SPAG17: variants seen among roughly 807,000 people sequenced by gnomAD.
SPAG17 encodes the protein sperm-associated antigen 17.
Under a neutral mutation model 273.6 loss-of-function variants are expected in SPAG17, and 169 were observed. The ratio of observed to expected loss-of-function variants is 0.62; its 90% confidence interval spans 0.55 to 0.70. SPAG17 has a LOEUF of 0.70. Ranked by LOEUF, SPAG17 falls within the 30% of genes least tolerant of loss-of-function variation. The pLI, the probability that SPAG17 is intolerant of heterozygous loss-of-function variation, is 0.00. For synonymous variants in SPAG17, 825 were observed against 873.2 expected, an observed-to-expected ratio of 0.94 and a Z score of 0.97; for missense variants, 2,557 against 2,627.8, an observed-to-expected ratio of 0.97 and a Z score of 0.59.
chr1:118,125,343 A>T (rs1238941271), intron 3 of SPAG17, among the ~76,000 whole-genome samples: 1 of 152,096 alleles, frequency 6.6e-6, no homozygotes, highest in Non-Finnish European at 1.5e-5. Flanking sequence ...TAATTAGCAT[A>T]TCTATCACCT....
chr1:117,954,622 A>G, intron 48 of SPAG17: 1 of 1,612,210 alleles, frequency 6.2e-7, no homozygotes, highest in African/African-American at 1.3e-5. Flanking sequence ...TTATGGCAGT[A>G]TCTCAGTGAG....
intron 27 of SPAG17, among the ~76,000 whole-genome samples, chr1:118,024,845 A>G (rs1034995079): frequency 1.4e-4 from 22 of 152,100 alleles, no homozygotes; most frequent in African/African-American, 5.1e-4. Flanking sequence ...ATATTTCTCC[A>G]TCAGTTTGAT....
rs1657051417 is a variant in SPAG17 at position 117,991,357 on chromosome 1, T to C, written c.5475+58A>G. Reference sequence around the variant, plus strand: ...AGCTATTTCTTACGATATTTTGTCCTGAAACATTTAATATTGAAACAATAG... The same window carrying C: ...AGCTATTTCTTACGATATTTTGTCCCGAAACATTTAATATTGAAACAATAG... On this transcript the variant is annotated intron_variant, in intron 37 of 48. Transcript: ENST00000336338. 4 of 1,044,488 alleles carry C rather than the reference T, an allele frequency of 3.8e-6. No homozygotes were observed. The African/African-American group carries it at 6.6e-5, about 17-fold the overall frequency. 64.7% of individuals were successfully genotyped at this position (1,044,488 alleles called of 1,614,324 possible). A position where few individuals can be genotyped will look rare whatever the true frequency, so the allele number is the denominator to read the frequency against.
chr1:118,117,568 G>A (rs1249806187), intron 3 of SPAG17, among the ~76,000 whole-genome samples: 1 of 152,222 alleles, frequency 6.6e-6, no homozygotes, highest in Non-Finnish European at 1.5e-5. Context: ...CTGACATGGG[G>A]AGACAGGAGA....
At chr1:118,061,933 G>A (rs1037890696) in intron 18 of SPAG17, among the ~76,000 whole-genome samples, 8 of 152,108 alleles carry the variant, frequency 5.3e-5, no homozygotes, top group Non-Finnish European at 1.0e-4. Flanking sequence ...ACAAAATTAG[G>A]TGGTTGAAAT....
At chr1:117,963,585 C>G in intron 48 of SPAG17, 3 of 320,404 alleles carry the variant, frequency 9.4e-6, no homozygotes, top group Non-Finnish European at 1.8e-5. Context: ...AGGATGGTCT[C>G]GATCTCCTGA....
intron 35 of SPAG17, among the ~76,000 whole-genome samples, chr1:117,993,642 T>C (rs973130020): frequency 3.3e-5 from 5 of 152,212 alleles, no homozygotes; most frequent in African/African-American, 1.2e-4. Context: ...TTGTGTTTGC[T>C]ATTACAAGGT....
intron 15 of SPAG17, among the ~76,000 whole-genome samples, chr1:118,074,911 T>C (rs576289442): frequency 1.3e-5 from 2 of 152,376 alleles, no homozygotes; most frequent in East Asian, 3.9e-4. Flanking sequence ...TCTTTAAAAG[T>C]TGTAATTATT....
chr1:117,954,618 C>CA, intron 48 of SPAG17: 3 of 1,612,082 alleles, frequency 1.9e-6, no homozygotes, highest in Non-Finnish European at 2.5e-6. Flanking sequence ...TGGCTTATGG[C>CA]AGTATCTCAG....
At chr1:118,089,105 G>A (rs1655200350) in intron 10 of SPAG17, among the ~76,000 whole-genome samples, 1 of 152,126 alleles carries the variant, frequency 6.6e-6, no homozygotes, top group Non-Finnish European at 1.5e-5. Flanking sequence ...AAGAAAAGCT[G>A]TTGATAAGAA....
chr1:118,002,839 T>C (rs1335130657), intron 32 of SPAG17, among the ~76,000 whole-genome samples: 8 of 152,210 alleles, frequency 5.3e-5, no homozygotes, highest in African/African-American at 1.9e-4. Flanking sequence ...AAGGTTAATA[T>C]TGTTATGTGT....
intron 1 of SPAG17, among the ~76,000 whole-genome samples, chr1:118,161,638 C>G (rs1040810854): frequency 3.3e-5 from 5 of 151,966 alleles, no homozygotes; most frequent in African/African-American, 1.2e-4. Context: ...CCCGGGTTTA[C>G]GCCATTCTCC....
At chr1:118,062,362 ATCTC>A (rs1652414556) in intron 18 of SPAG17, among the ~76,000 whole-genome samples, 1 of 116,792 alleles carries the variant, frequency 8.6e-6, no homozygotes. Flanking sequence ...GCGAGACTCC[ATCTC>A]AAAAAAAAAA....
chr1:118,096,104 G>A (rs972339725), intron 7 of SPAG17, among the ~76,000 whole-genome samples: 5 of 152,142 alleles, frequency 3.3e-5, no homozygotes, highest in African/African-American at 1.2e-4. Flanking sequence ...GACATCTAAT[G>A]CCTTGTGCTG....
At chr1:118,156,450 G>A (rs1659654622) in intron 1 of SPAG17, among the ~76,000 whole-genome samples, 1 of 152,206 alleles carries the variant, frequency 6.6e-6, no homozygotes, top group Non-Finnish European at 1.5e-5. Context: ...TTCAGTCCAT[G>A]GCCCTGGAGT....
intron 45 of SPAG17, among the ~76,000 whole-genome samples, chr1:117,970,828 C>T (rs1029146837): frequency 6.6e-6 from 1 of 152,124 alleles, no homozygotes; most frequent in Non-Finnish European, 1.5e-5. Context: ...TATACTGGAG[C>T]GACAGGACCC....
At chr1:118,162,718 G>A (rs917541949) in intron 1 of SPAG17, among the ~76,000 whole-genome samples, 8 of 152,078 alleles carry the variant, frequency 5.3e-5, no homozygotes, top group Non-Finnish European at 8.8e-5. Flanking sequence ...ATAACATGGA[G>A]CCCAAATTGT....
At chr1:117,988,641 C>T (rs1176598303) in intron 38 of SPAG17, among the ~76,000 whole-genome samples, 1 of 152,118 alleles carries the variant, frequency 6.6e-6, no homozygotes, top group Non-Finnish European at 1.5e-5. Flanking sequence ...ATTCACAAAA[C>T]ACGCTCTTGG....
In SPAG17 at chr1:117,957,412, A is replaced by C. The variant is rs541478695; in HGVS notation, c.*1-3363T>G. 9.5e-4 allele frequency among the ~76,000 whole-genome samples: 144 copies of C among 151,834 alleles called. 1 individual carries two copies. Among genetic ancestry groups the C allele is most frequent in the Admixed American group, 5.6e-3 (86 of 15,292 alleles). On this transcript the variant is annotated intron_variant, in intron 48 of 48. Transcript: ENST00000336338. ...AGCAATCAGTCTTGCCTTTAAAACA[A>C]GGATCATGATGACCCACCTCTTTAA...
Sources: allele counts gnomAD v4.1 joint callset (sites outside exome capture counted in the v4.1 genomes callset), GRCh38; gene constraint gnomAD v4.1.1; transcripts MANE v1.5; gene names NCBI Gene and HGNC (gene_info 2026-07-23, HGNC 2026-07-21).